GRM1: variants seen among roughly 807,000 people sequenced by gnomAD.
GRM1 encodes glutamate metabotropic receptor 1.
Under a neutral mutation model 90.9 loss-of-function variants are expected in GRM1, and 33 were observed. That is an observed-to-expected ratio of 0.36 (90% CI 0.28 to 0.49). The LOEUF (loss-of-function observed/expected upper bound fraction) is 0.49, where lower values mean the gene tolerates loss of function less well. GRM1 is among the 20% of genes least tolerant of loss of function. The pLI, the probability that GRM1 is intolerant of heterozygous loss-of-function variation, is 0.99. For synonymous variants in GRM1, 700 were observed against 613.2 expected, an observed-to-expected ratio of 1.14 and a Z score of -2.09; for missense variants, 1,190 against 1,534.3, an observed-to-expected ratio of 0.78 and a Z score of 3.75.
chr6:146,376,887 G>A (rs573475365), intron 5 of GRM1, among the ~76,000 whole-genome samples: 94 of 152,192 alleles, frequency 6.2e-4, no homozygotes, highest in African/African-American at 2.2e-3. Flanking sequence ...ATTGAATTAT[G>A]AGGGCAGGTC....
intron 2 of GRM1, among the ~76,000 whole-genome samples, chr6:146,249,098 T>G (rs1399285625): frequency 2.0e-5 from 3 of 152,172 alleles, no homozygotes. Flanking sequence ...GGGTTGAAAT[T>G]AGAACTTATG....
chr6:146,366,735 T>A (rs940933295), intron 5 of GRM1, among the ~76,000 whole-genome samples: 1 of 152,190 alleles, frequency 6.6e-6, no homozygotes, highest in African/African-American at 2.4e-5. Flanking sequence ...TCCCCATTTT[T>A]AAAATCAGGT....
rs374287085 is a variant in GRM1, at chr6:146,434,790, C to T, written c.3579C>T (p.Thr1193=). ...GGGACTACAAGCAAAGCTCTTCCAC[C>T]CTGTAAGGGGGAAGGGTCCACATAG... ...ILRDYKQSSS[T]L is the part of the protein sequence containing the mutation. Residue 1193 remains threonine (T), a synonymous_variant, in exon 8 of 8, where the codon ACC becomes ACT. Transcript: ENST00000282753. 12 of 1,597,744 alleles carry T rather than the reference C, an allele frequency of 7.5e-6. No homozygotes were observed. The highest frequency in any genetic ancestry group is 1.0e-5 in the Non-Finnish European group (12 of 1,178,756).
At chr6:146,115,439 T>C (rs965589736) in intron 1 of GRM1, among the ~76,000 whole-genome samples, 46 of 152,164 alleles carry the variant, frequency 3.0e-4, no homozygotes, top group African/African-American at 1.1e-3. Flanking sequence ...CTTTATAGTA[T>C]GCTATGCACT....
chr6:146,029,869 C>G lies in GRM1; in HGVS notation c.352C>G (p.Gln118Glu). The G allele has an allele frequency of 1.9e-6, 3 of 1,614,102 alleles. No individual in the cohort carries two copies. Among genetic ancestry groups the G allele is most frequent in the Non-Finnish European group, 2.5e-6 (3 of 1,179,984 alleles). ...SCWHSSVALEQSIEFIRDSLI... is the reference protein window; with the variant it reads ...SCWHSSVALEESIEFIRDSLI... ...CTGGCACTCTTCCGTGGCTCTGGAA[C>G]AGAGCATTGAGTTCATTAGGGACTC... The change falls in exon 1 of 8, where the codon CAG becomes GAG. Residue 118 changes from glutamine (Q) to glutamate (E), a missense_variant. Gln to Glu is a conservative substitution (Grantham distance 29). Around this residue, in one of 10 missense-constraint regions of GRM1, gnomAD observed 91 missense variants for 95.6 expected, o/e 0.95. Coordinates refer to ENST00000282753, the MANE Select transcript of GRM1 (RefSeq NM_001278064.2).
chr6:146,342,282 A>G (rs1442409774), intron 3 of GRM1, among the ~76,000 whole-genome samples: 3 of 152,252 alleles, frequency 2.0e-5, no homozygotes, highest in Non-Finnish European at 2.9e-5. Flanking sequence ...AACATCATTC[A>G]TGTGAAATAA....
chr6:146,130,397 G>A (rs58167663), intron 1 of GRM1, among the ~76,000 whole-genome samples: 1 of 152,024 alleles, frequency 6.6e-6, no homozygotes, highest in Admixed American at 6.6e-5. Context: ...AAGAAAAATA[G>A]GTGGAGGATG....
At chr6:146,415,380 C>G (rs971898231) in intron 7 of GRM1, among the ~76,000 whole-genome samples, 1 of 152,196 alleles carries the variant, frequency 6.6e-6, no homozygotes, top group African/African-American at 2.4e-5. Flanking sequence ...GAGGCACATT[C>G]AGTTCATAAT....
chr6:146,082,241 C>T (rs1031325793), intron 1 of GRM1, among the ~76,000 whole-genome samples: 9 of 152,070 alleles, frequency 5.9e-5, no homozygotes, highest in South Asian at 2.1e-4. Flanking sequence ...CTGCAACCTC[C>T]GCCTCCCGGG....
In GRM1 at chr6:146,435,558, T is replaced by C. The variant is rs1417954257; in HGVS notation, c.*762T>C. 6.5e-6 allele frequency: 1 copy of C among 152,848 alleles called. No homozygotes were observed. Among genetic ancestry groups the C allele is most frequent in the African/African-American group, 2.4e-5 (1 of 41,444 alleles). 9.5% of individuals were successfully genotyped at this position (152,848 alleles called of 1,614,324 possible). On this transcript the variant is annotated 3_prime_UTR_variant, in exon 8 of 8. Transcript: ENST00000282753. ...GAGCAAAATTATCACCAAAAAGTGCTTCATCAGGCGTGCTACAGGAGGAAG... is the reference window on the plus strand; with the variant it reads ...GAGCAAAATTATCACCAAAAAGTGCCTCATCAGGCGTGCTACAGGAGGAAG...
intron 2 of GRM1, among the ~76,000 whole-genome samples, chr6:146,183,101 C>T (rs1778607200): frequency 6.6e-6 from 1 of 152,080 alleles, no homozygotes; most frequent in Admixed American, 6.6e-5. Context: ...ATTCCATCAT[C>T]CTCTCTGGAG....
chr6:146,122,463 C>T (rs1196893628), intron 1 of GRM1, among the ~76,000 whole-genome samples: 2 of 152,028 alleles, frequency 1.3e-5, no homozygotes, highest in Non-Finnish European at 2.9e-5. Context: ...TCATTATTTC[C>T]AGTAAATTTT....
At chr6:146,289,537 C>T (rs1223431785) in intron 2 of GRM1, among the ~76,000 whole-genome samples, 3 of 151,960 alleles carry the variant, frequency 2.0e-5, no homozygotes, top group Non-Finnish European at 2.9e-5. Context: ...GAAAAAAGTA[C>T]GTTTATGTAG....
At chr6:146,198,219 C>T (rs1779185018) in intron 2 of GRM1, among the ~76,000 whole-genome samples, 1 of 152,188 alleles carries the variant, frequency 6.6e-6, no homozygotes, top group Non-Finnish European at 1.5e-5. Flanking sequence ...TTAGCAATGC[C>T]ACATCCAGCA....
At chr6:146,367,417 T>A (rs1489154242) in intron 5 of GRM1, among the ~76,000 whole-genome samples, 2 of 152,152 alleles carry the variant, frequency 1.3e-5, no homozygotes, top group Non-Finnish European at 2.9e-5. Context: ...TTAGGATTTT[T>A]TTTTCTATTT....
intron 2 of GRM1, among the ~76,000 whole-genome samples, chr6:146,163,146 T>C (rs1270054077): frequency 2.0e-5 from 3 of 152,178 alleles, no homozygotes; most frequent in Admixed American, 6.5e-5. Context: ...AGGATAAATC[T>C]GTTGTTATGA....
chr6:146,397,047 C>T (rs924986766), intron 6 of GRM1, among the ~76,000 whole-genome samples: 6 of 152,100 alleles, frequency 3.9e-5, no homozygotes, highest in Non-Finnish European at 8.8e-5. Flanking sequence ...AGAATGCGGG[C>T]ACGAGGGGGT....
intron 2 of GRM1, among the ~76,000 whole-genome samples, chr6:146,164,926 A>G (rs985269178): frequency 1.3e-5 from 2 of 150,962 alleles, no homozygotes; most frequent in Non-Finnish European, 3.0e-5. Flanking sequence ...GATTCTGACT[A>G]CATCTTTTTT....
At chr6:146,119,230 A>G (rs993123312) in intron 1 of GRM1, among the ~76,000 whole-genome samples, 1 of 152,188 alleles carries the variant, frequency 6.6e-6, no homozygotes, top group African/African-American at 2.4e-5. Flanking sequence ...TTGGCTGCAT[A>G]AATGTCTTCT....
Sources: allele counts gnomAD v4.1 joint callset (sites outside exome capture counted in the v4.1 genomes callset), GRCh38; gene constraint gnomAD v4.1.1; regional missense constraint gnomAD v4.1.1; transcripts MANE v1.5; gene names NCBI Gene and HGNC (gene_info 2026-07-23, HGNC 2026-07-21).